Variants in RABEP1 observed in about 807,000 individuals in gnomAD.
RABEP1 encodes rabaptin, RAB GTPase binding effector protein 1.
Under a neutral mutation model 123.4 loss-of-function variants are expected in RABEP1, and 51 were observed. The observed-to-expected ratio is 0.41, with a 90% confidence interval of 0.33 to 0.52. The LOEUF (loss-of-function observed/expected upper bound fraction) is 0.52. Among genes scored for constraint, RABEP1 ranks in the 20% least tolerant of loss-of-function variants. The pLI, the probability that RABEP1 is intolerant of heterozygous loss-of-function variation, is 0.16. For synonymous variants in RABEP1, 347 were observed against 355.2 expected (o/e 0.98, Z 0.26); for missense variants, 888 against 996.3 (o/e 0.89, Z 1.46).
intron 11 of RABEP1, 35 bp from the exon 12 acceptor site, chr17:5,368,335 C>G (rs1910254075): frequency 1.4e-6 from 2 of 1,398,612 alleles, no homozygotes; most frequent in Admixed American, 1.9e-5. Flanking sequence ...TAACCGATTT[C>G]CTAACTATGT....
rs972297110 is a variant in RABEP1, at chr17:5,359,765, C to T, written c.1096-1443C>T. Among the ~76,000 whole-genome samples the T allele has an allele frequency of 7.2e-5, 11 of 152,004 alleles. No homozygotes were observed. In the East Asian group the frequency reaches 7.7e-4, roughly 11 times the overall value. The stretch of plus-strand genomic sequence containing the variant: ...CTCCTCTGGTTCATTTAAAACAGGG[C>T]GTTTAACAACAAAACGTAGAAAGGA... On this transcript the variant is annotated intron_variant, in intron 8 of 17. Coordinates refer to ENST00000537505, the MANE Select transcript of RABEP1 (RefSeq NM_004703.6).
At chr17:5,297,339 A>G (rs2075092937) in intron 1 of RABEP1, among the ~76,000 whole-genome samples, 1 of 152,242 alleles carries the variant, frequency 6.6e-6, no homozygotes, top group Non-Finnish European at 1.5e-5. Context: ...TTTGTAATTA[A>G]TACAGATTGC....
At chr17:5,290,497 T>C (rs944256312) in intron 1 of RABEP1, among the ~76,000 whole-genome samples, 2 of 152,204 alleles carry the variant, frequency 1.3e-5, no homozygotes, top group African/African-American at 4.8e-5. Flanking sequence ...TTAAAAAATA[T>C]CTGTTGCGTT....
intron 2 of RABEP1, among the ~76,000 whole-genome samples, chr17:5,310,427 G>T (rs1475550495): frequency 6.7e-6 from 1 of 149,374 alleles, no homozygotes; most frequent in African/African-American, 2.5e-5. Context: ...TGATTCTCCT[G>T]CCCTGCCCCA....
At chr17:5,323,083 C>A (rs933816257) in intron 2 of RABEP1, among the ~76,000 whole-genome samples, 3 of 151,766 alleles carry the variant, frequency 2.0e-5, no homozygotes, top group Admixed American at 1.3e-4. Flanking sequence ...TCAAAAAAAA[C>A]AAACAACAAC....
At position 5,368,353 on chromosome 17, in the gene RABEP1, CAT is replaced by C; in HGVS notation, c.1786-16_1786-15del. The C allele has an allele frequency of 6.5e-7, 1 of 1,528,742 alleles. No homozygotes were observed. Among genetic ancestry groups the C allele is most frequent in the Non-Finnish European group, 9.0e-7 (1 of 1,107,876 alleles). 94.7% of individuals were successfully genotyped at this position (1,528,742 alleles called of 1,614,324 possible). ...CCGATTTCCTAACTATGTTTCTATA[CAT>C]GTGTTTTTTTAAAGATCTCTGCACT... On this transcript the variant is annotated splice_polypyrimidine_tract_variant and intron_variant, in intron 11 of 17. Transcript: ENST00000537505.
chr17:5,358,369 T>A (rs1909209726), intron 8 of RABEP1, among the ~76,000 whole-genome samples: 1 of 152,102 alleles, frequency 6.6e-6, no homozygotes, highest in Non-Finnish European at 1.5e-5. Context: ...TAGTGTGAGT[T>A]CTTAGGAAAA....
chr17:5,306,694 C>T (rs2075182618), intron 1 of RABEP1, among the ~76,000 whole-genome samples: 1 of 151,672 alleles, frequency 6.6e-6, no homozygotes, highest in Non-Finnish European at 1.5e-5. Context: ...GGAACTGAGT[C>T]AGAATCATGA....
rs370042598 is a variant in RABEP1, at chr17:5,294,255, G to A, written c.34+11735G>A. Among the ~76,000 whole-genome samples the A allele has an allele frequency of 8.9e-4, 135 of 152,198 alleles. 1 individual carries two copies. Among genetic ancestry groups the A allele is most frequent in the East Asian group, 1.2e-3 (6 of 5,168 alleles). Reference sequence around the variant, plus strand: ...AAAAGTCAGCTGGGCGTGGTGACACGCGTTTGTAATCCCAGCTACTCAGGA... The same window carrying A: ...AAAAGTCAGCTGGGCGTGGTGACACACGTTTGTAATCCCAGCTACTCAGGA... On this transcript the variant is annotated intron_variant, in intron 1 of 17. Coordinates refer to ENST00000537505, the MANE Select transcript of RABEP1 (RefSeq NM_004703.6).
At chr17:5,380,985 T>TG (rs1911402333) in intron 16 of RABEP1, among the ~76,000 whole-genome samples, 1 of 152,176 alleles carries the variant, frequency 6.6e-6, no homozygotes, top group Non-Finnish European at 1.5e-5. Context: ...TAAGAGAGAC[T>TG]GGGGATAGCT....
At chr17:5,344,941 C>T (rs929308361) in intron 5 of RABEP1, among the ~76,000 whole-genome samples, 4 of 151,120 alleles carry the variant, frequency 2.6e-5, no homozygotes, top group Non-Finnish European at 2.9e-5. Flanking sequence ...CCAGCCTGGG[C>T]GACAGATCGA....
In RABEP1 at chr17:5,289,435, TA is replaced by T. The variant is rs1425353155; in HGVS notation, c.34+6918del. Among the ~76,000 whole-genome samples, 10 of 146,760 alleles carry T rather than the reference TA, an allele frequency of 6.8e-5. 1 individual carries two copies. The highest frequency in any genetic ancestry group is 5.0e-5 in the African/African-American group (2 of 40,200). ...AGATCTGACCTTTTTTTTTTTTTTT[TA>T]AATTTATGGTTTCTGGGTTTCTTAT... On this transcript the variant is annotated intron_variant, in intron 1 of 17. Coordinates refer to ENST00000537505, the MANE Select transcript of RABEP1 (RefSeq NM_004703.6).
chr17:5,368,509 A>G (rs7213832), intron 12 of RABEP1, 41 bp downstream of exon 12: 125,306 of 1,410,688 alleles, frequency 0.089, 6,762 homozygotes, highest in African/African-American at 0.22. Flanking sequence ...ATGTTACTAT[A>G]TATTCCTTTT....
In RABEP1 at chr17:5,335,010, G is replaced by A. The variant is rs147096031; in HGVS notation, c.368-174G>A. On this transcript the variant is annotated intron_variant, in intron 3 of 17. Coordinates refer to ENST00000537505, the MANE Select transcript of RABEP1 (RefSeq NM_004703.6). Reference sequence around the variant, plus strand: ...TGAAGATTAGAAGTGATGATTTAAAGCCCTTATTTCTGTATATAATAAGAA... The same window carrying A: ...TGAAGATTAGAAGTGATGATTTAAAACCCTTATTTCTGTATATAATAAGAA... Among the ~76,000 whole-genome samples, 20 of 152,246 alleles carry A rather than the reference G, an allele frequency of 1.3e-4. No homozygotes were observed. In the East Asian group the frequency reaches 3.5e-3, roughly 26 times the overall value.
chr17:5,342,360 G>A (rs1233184541), intron 5 of RABEP1, among the ~76,000 whole-genome samples: 4 of 152,158 alleles, frequency 2.6e-5, no homozygotes, highest in Non-Finnish European at 2.9e-5. Flanking sequence ...GCATTGGGCC[G>A]GGTGCAGTGG....
chr17:5,382,804 C>T (rs1438272437), intron 17 of RABEP1, among the ~76,000 whole-genome samples: 1 of 151,936 alleles, frequency 6.6e-6, no homozygotes, highest in Non-Finnish European at 1.5e-5. Flanking sequence ...CCTGTAATCT[C>T]AGCTACTCGG....
At chr17:5,336,089 T>G (rs1324423623) in intron 4 of RABEP1, among the ~76,000 whole-genome samples, 1 of 152,318 alleles carries the variant, frequency 6.6e-6, no homozygotes, top group Admixed American at 6.5e-5. Flanking sequence ...TATTAAAAGC[T>G]TTTTAGCTAG....
chr17:5,368,348 C>T (rs755183033), intron 11 of RABEP1, 22 bp from the exon 12 acceptor site: 9 of 1,496,988 alleles, frequency 6.0e-6, no homozygotes. Context: ...AACTATGTTT[C>T]TATACATGTG....
rs547247673 is a variant in RABEP1, at chr17:5,301,393, A to G, written c.35-7301A>G. Among the ~76,000 whole-genome samples, 23 of 152,324 alleles carry G rather than the reference A, an allele frequency of 1.5e-4. No individual in the cohort carries two copies. The South Asian group carries it at 4.8e-3, about 32-fold the overall frequency. ...CTTCTATTTTGGGAAGCTGAAACTC[A>G]TAAAATGGAAATTTCTTTAAATGTA... On this transcript the variant is annotated intron_variant, in intron 1 of 17. Coordinates refer to ENST00000537505, the MANE Select transcript of RABEP1 (RefSeq NM_004703.6).
Sources: allele counts gnomAD v4.1 joint callset (sites outside exome capture counted in the v4.1 genomes callset), GRCh38; gene constraint gnomAD v4.1.1; transcripts MANE v1.5; gene names NCBI Gene and HGNC (gene_info 2026-07-23, HGNC 2026-07-21).